DAB1: variants seen among roughly 807,000 people sequenced by gnomAD.
DAB1 encodes the protein disabled homolog 1.
Under a neutral mutation model 64.6 loss-of-function variants are expected in DAB1, and 15 were observed. The ratio of observed to expected loss-of-function variants is 0.23; its 90% confidence interval spans 0.16 to 0.36. The LOEUF (loss-of-function observed/expected upper bound fraction) is 0.36, where lower values mean the gene tolerates loss of function less well. Among genes scored for constraint, DAB1 ranks in the 10% least tolerant of loss-of-function variants. DAB1 has a pLI of 1.00. For synonymous variants in DAB1, 235 were observed against 251.9 expected (o/e 0.93, Z 0.64); for missense variants, 596 against 706.7 (o/e 0.84, Z 1.78).
chr1:58,508,827 G>C (rs1423934502), intron 2 of DAB1, among the ~76,000 whole-genome samples: 1 of 152,114 alleles, frequency 6.6e-6, no homozygotes, highest in Non-Finnish European at 1.5e-5. Flanking sequence ...CCAGAGCCCA[G>C]CTTCTCCTGG....
intron 4 of DAB1, among the ~76,000 whole-genome samples, chr1:57,129,993 T>G (rs1431579633): frequency 6.6e-6 from 1 of 151,940 alleles, no homozygotes; most frequent in Non-Finnish European, 1.5e-5. Flanking sequence ...CAGGGTTTCC[T>G]ATGCCAGGCC....
intron 3 of DAB1, among the ~76,000 whole-genome samples, chr1:58,382,404 T>A (rs1274743065): frequency 6.6e-6 from 1 of 152,164 alleles, no homozygotes; most frequent in Non-Finnish European, 1.5e-5. Context: ...GACCCCACTG[T>A]GACATGGACT....
chr1:57,142,631 T>TACACACACACACACACACACAC (rs35559563), intron 3 of DAB1, among the ~76,000 whole-genome samples: 2 of 42,386 alleles, frequency 4.7e-5, no homozygotes, highest in Non-Finnish European at 1.1e-4. Flanking sequence ...CACACACACA[T>TACACACACACACACACACACAC]ACACACACAC....
chr1:57,116,267 G>T (rs1656098936), intron 4 of DAB1, among the ~76,000 whole-genome samples: 1 of 151,822 alleles, frequency 6.6e-6, no homozygotes, highest in Non-Finnish European at 1.5e-5. Flanking sequence ...TTCGAGACCA[G>T]CCTGACCAAC....
chr1:58,300,816 G>T (rs1200610628), intron 4 of DAB1, among the ~76,000 whole-genome samples: 1 of 152,096 alleles, frequency 6.6e-6, no homozygotes, highest in African/African-American at 2.4e-5. Flanking sequence ...ACATTGTGCT[G>T]TGTGCTGAGT....
chr1:57,737,432 A>C (rs1647748434), intron 6 of DAB1, among the ~76,000 whole-genome samples: 1 of 152,182 alleles, frequency 6.6e-6, no homozygotes, highest in South Asian at 2.1e-4. Context: ...ATCTTGAAGC[A>C]CTTACCCTTT....
chr1:58,501,222 C>A (rs1201622445), intron 3 of DAB1, among the ~76,000 whole-genome samples: 3 of 152,062 alleles, frequency 2.0e-5, no homozygotes, highest in Non-Finnish European at 2.9e-5. Flanking sequence ...CATGTTTTAT[C>A]TTGAAATTCA....
At chr1:58,124,387 G>A (rs1309830927) in intron 5 of DAB1, among the ~76,000 whole-genome samples, 3 of 152,018 alleles carry the variant, frequency 2.0e-5, no homozygotes, top group Non-Finnish European at 4.4e-5. Flanking sequence ...ACAAAGTCAA[G>A]TCATCATTTT....
At chr1:57,890,028 A>C (rs575418579) in intron 5 of DAB1, among the ~76,000 whole-genome samples, 1 of 152,192 alleles carries the variant, frequency 6.6e-6, no homozygotes, top group South Asian at 2.1e-4. Context: ...GAATACAAGA[A>C]AGAAGAGATA....
In DAB1 at chr1:57,299,028, A is replaced by G. The variant is rs145780679; in HGVS notation, c.-136-7862T>C. ...AAAATTCTGAAAGAGAATATTCCAC[A>G]TCTCTTACTGTATGCTGAGATCATA... On this transcript the variant is annotated intron_variant, in intron 1 of 14. Transcript: ENST00000371236. 9.8e-5 allele frequency among the ~76,000 whole-genome samples: 15 copies of G among 152,360 alleles called. No homozygotes were observed. The East Asian group carries it at 2.9e-3, about 29-fold the overall frequency.
At chr1:57,029,575 T>A (rs1304165467) in intron 9 of DAB1, among the ~76,000 whole-genome samples, 1 of 152,100 alleles carries the variant, frequency 6.6e-6, no homozygotes, top group Non-Finnish European at 1.5e-5. Context: ...TGAAAGCAGC[T>A]GGGAGGGAGG....
chr1:58,117,191 C>T (rs1450564778), intron 5 of DAB1, among the ~76,000 whole-genome samples: 1 of 152,140 alleles, frequency 6.6e-6, no homozygotes, highest in East Asian at 1.9e-4. Flanking sequence ...ATTTGCCTCT[C>T]CCAAAGCTCA....
intron 3 of DAB1, among the ~76,000 whole-genome samples, chr1:58,455,974 C>T (rs1486624416): frequency 6.6e-6 from 1 of 152,254 alleles, no homozygotes; most frequent in Non-Finnish European, 1.5e-5. Context: ...CCTGGCTCTA[C>T]CTCCACTCAG....
chr1:57,942,493 T>A (rs1161180037), intron 5 of DAB1, among the ~76,000 whole-genome samples: 1 of 152,230 alleles, frequency 6.6e-6, no homozygotes, highest in Non-Finnish European at 1.5e-5. Flanking sequence ...AATCAGATCC[T>A]ACATTCCTTT....
intron 5 of DAB1, among the ~76,000 whole-genome samples, chr1:57,913,325 C>CA (rs1644676480): frequency 1.3e-5 from 2 of 152,020 alleles, no homozygotes; most frequent in African/African-American, 4.8e-5. Context: ...ACAACCCTGA[C>CA]AAAAACAAGA....
chr1:57,635,922 C>T (rs1429263641), intron 7 of DAB1, among the ~76,000 whole-genome samples: 1 of 151,614 alleles, frequency 6.6e-6, no homozygotes, highest in Non-Finnish European at 1.5e-5. Context: ...GGTGAAACCC[C>T]GTCACTACTA....
chr1:57,609,856 C>A (rs1195474278), intron 7 of DAB1, among the ~76,000 whole-genome samples: 1 of 152,162 alleles, frequency 6.6e-6, no homozygotes. Flanking sequence ...GCATACATCT[C>A]AAATTTATGA....
chr1:58,502,182 A>ATCT (rs1273730564), intron 3 of DAB1, among the ~76,000 whole-genome samples: 4 of 152,222 alleles, frequency 2.6e-5, no homozygotes, highest in African/African-American at 4.8e-5. Flanking sequence ...AAAATATACA[A>ATCT]TCTTCAATAA....
At chr1:58,135,246 C>T (rs1653875919) in intron 5 of DAB1, among the ~76,000 whole-genome samples, 1 of 152,122 alleles carries the variant, frequency 6.6e-6, no homozygotes, top group Admixed American at 6.6e-5. Flanking sequence ...CCTAAACCAC[C>T]GTTTATCAAG....
Sources: allele counts gnomAD v4.1 joint callset (sites outside exome capture counted in the v4.1 genomes callset), GRCh38; gene constraint gnomAD v4.1.1; transcripts MANE v1.5; gene names NCBI Gene and HGNC (gene_info 2026-07-23, HGNC 2026-07-21).